The following DYM variants were observed in gnomAD, a reference collection of about 807,000 sequenced individuals.
DYM encodes dyggve-Melchior-Clausen syndrome protein.
In DYM, 78 loss-of-function variants were observed where a neutral mutation model predicts 93.1. The ratio of observed to expected loss-of-function variants is 0.84; its 90% CI spans 0.70 to 1.01. The LOEUF (loss-of-function observed/expected upper bound fraction) is 1.01. Among genes scored for constraint, DYM ranks in the 50% least tolerant of loss-of-function variants. The pLI is 0.00. For synonymous variants in DYM, 321 were observed against 319.7 expected, an observed-to-expected ratio of 1.00 and a Z score of -0.04; for missense variants, 789 against 845.0, an observed-to-expected ratio of 0.93 and a Z score of 0.82.
intron 16 of DYM, among the ~76,000 whole-genome samples, chr18:49,110,875 T>C (rs1006231384): frequency 3.3e-5 from 5 of 152,218 alleles, no homozygotes; most frequent in Non-Finnish European, 5.9e-5. Context: ...TCTTGGATGA[T>C]AGGTTCTCAT....
At chr18:49,289,762 T>TTG (rs2059964334) in intron 8 of DYM, among the ~76,000 whole-genome samples, 1 of 42,156 alleles carries the variant, frequency 2.4e-5, no homozygotes, top group African/African-American at 9.2e-5. Context: ...TATATATATA[T>TTG]ATATATATAT....
chr18:49,036,854 G>A lies in DYM; in HGVS notation c.*7201C>T, dbSNP rs2070722022. ...CTGATATTGGCTATTCCTCTCTCCT[G>A]CCCTTTCTCCTTCCTTCTTTGATCA... On this transcript the variant is annotated 3_prime_UTR_variant, in exon 18 of 18. Transcript: ENST00000675505. Among the ~76,000 whole-genome samples, 1 of 152,006 alleles carries A rather than the reference G, an allele frequency of 6.6e-6. No individual in the cohort carries two copies.
At chr18:49,061,464 A>T (rs2075978966) in intron 17 of DYM, among the ~76,000 whole-genome samples, 1 of 152,182 alleles carries the variant, frequency 6.6e-6, no homozygotes, top group South Asian at 2.1e-4. Context: ...GTTTATGGAG[A>T]TCTGCTGAGA....
At chr18:49,377,355 T>C (rs1398511818) in intron 5 of DYM, among the ~76,000 whole-genome samples, 1 of 151,244 alleles carries the variant, frequency 6.6e-6, no homozygotes, top group Non-Finnish European at 1.5e-5. Flanking sequence ...AGGTCAGGAG[T>C]TCAAGATCAG....
intron 2 of DYM, among the ~76,000 whole-genome samples, chr18:49,408,008 C>A (rs963954923): frequency 7.4e-5 from 11 of 148,516 alleles, no homozygotes; most frequent in African/African-American, 2.5e-4. Flanking sequence ...AGGGGGAGGA[C>A]TGCCTGATTC....
chr18:49,076,890 C>G (rs1177522135), intron 17 of DYM, among the ~76,000 whole-genome samples: 1 of 152,122 alleles, frequency 6.6e-6, no homozygotes, highest in Non-Finnish European at 1.5e-5. Context: ...AGAAGCTTAA[C>G]TCGTATATAG....
chr18:49,398,836 T>G (rs1043860626), intron 2 of DYM, among the ~76,000 whole-genome samples: 1 of 152,232 alleles, frequency 6.6e-6, no homozygotes, highest in Admixed American at 6.5e-5. Context: ...AAATGGGAAC[T>G]ATGAATTACT....
At chr18:49,343,896 C>T (rs544381542) in intron 6 of DYM, among the ~76,000 whole-genome samples, 145 of 151,570 alleles carry the variant, frequency 9.6e-4, no homozygotes, top group Non-Finnish European at 1.5e-3. Flanking sequence ...TCACTTGAGG[C>T]CAGGAGTTCA....
chr18:49,261,246 T>C (rs1489058715), intron 11 of DYM, among the ~76,000 whole-genome samples: 1 of 152,240 alleles, frequency 6.6e-6, no homozygotes, highest in Non-Finnish European at 1.5e-5. Context: ...TTTAACTCTC[T>C]GGCCCCACAT....
At chr18:49,289,404 T>TAAAA (rs56240607) in intron 8 of DYM, among the ~76,000 whole-genome samples, 1 of 33,508 alleles carries the variant, frequency 3.0e-5, no homozygotes, top group African/African-American at 1.2e-4. Context: ...TACAAATCAG[T>TAAAA]AAAAAAAAAA....
chr18:49,454,491 T>C (rs2082797347), intron 1 of DYM, among the ~76,000 whole-genome samples: 1 of 152,074 alleles, frequency 6.6e-6, no homozygotes, highest in Admixed American at 6.5e-5. Context: ...GGAAAGCCCA[T>C]TTGCATAAGA....
At chr18:49,299,013 T>G (rs1054427403) in intron 8 of DYM, among the ~76,000 whole-genome samples, 1 of 152,148 alleles carries the variant, frequency 6.6e-6, no homozygotes, top group African/African-American at 2.4e-5. Context: ...GAAAGGGTGC[T>G]GTGAGCTCAG....
intron 17 of DYM, among the ~76,000 whole-genome samples, chr18:49,076,869 A>G (rs1450234644): frequency 6.6e-6 from 1 of 152,174 alleles, no homozygotes; most frequent in Non-Finnish European, 1.5e-5. Context: ...GAATGCTCTT[A>G]AGTCTTCCTC....
At chr18:49,170,717 T>TG (rs1307570228) in intron 14 of DYM, among the ~76,000 whole-genome samples, 1 of 139,808 alleles carries the variant, frequency 7.2e-6, no homozygotes, top group African/African-American at 2.7e-5. Flanking sequence ...AGGCAGAGGT[T>TG]GCAGTGAGCT....
chr18:49,313,044 A>G (rs28636450), intron 8 of DYM, among the ~76,000 whole-genome samples: 3,967 of 152,258 alleles, frequency 0.026, 161 homozygotes, highest in African/African-American at 0.089. Flanking sequence ...TCCATCTTGA[A>G]TAGGAGCTAG....
chr18:49,363,263 T>TA lies in DYM; in HGVS notation c.422-31dup, dbSNP rs397841635. The TA allele has an allele frequency of 1.6e-5, 24 of 1,524,374 alleles. No individual in the cohort carries two copies. In the African/African-American group the frequency reaches 3.1e-4, roughly 20 times the overall value. 94.4% of individuals were successfully genotyped at this position (1,524,374 alleles called of 1,614,324 possible). On this transcript the variant is annotated intron_variant, in intron 5 of 17. Transcript: ENST00000675505. Reference sequence around the variant, plus strand: ...TAAGACACATAAAAAGATTTTTTTTTAACAAAGTACACAGTAGAATACAGT... The same window carrying TA: ...TAAGACACATAAAAAGATTTTTTTTTAAACAAAGTACACAGTAGAATACAGT...
chr18:49,093,545 G>A (rs1408506967), intron 17 of DYM, among the ~76,000 whole-genome samples: 1 of 152,178 alleles, frequency 6.6e-6, no homozygotes, highest in African/African-American at 2.4e-5. Context: ...GCAACGTGGA[G>A]GGAAAGGAAT....
chr18:49,133,427 A>G (rs1048534817), intron 15 of DYM, among the ~76,000 whole-genome samples: 1 of 152,216 alleles, frequency 6.6e-6, no homozygotes, highest in African/African-American at 2.4e-5. Context: ...GTCGTCTCAC[A>G]GTTCTGCAGA....
intron 17 of DYM, among the ~76,000 whole-genome samples, chr18:49,062,696 T>C (rs755345957): frequency 3.3e-5 from 5 of 152,342 alleles, no homozygotes; most frequent in South Asian, 2.1e-4. Flanking sequence ...GGAAAGGAAA[T>C]AGGAGTCTTT....
Sources: gnomAD v4.1 joint callset for allele counts (sites outside exome capture counted in the v4.1 genomes callset) on GRCh38, gnomAD v4.1.1 for gene constraint, MANE v1.5 for transcripts, NCBI Gene and HGNC (gene_info 2026-07-23, HGNC 2026-07-21) for gene names.